Variants in PDE5A observed in about 807,000 individuals in gnomAD.
The protein encoded by PDE5A is phosphodiesterase 5A.
A neutral mutation model predicts 110.2 loss-of-function variants in PDE5A; 67 were observed. The ratio of observed to expected loss-of-function variants is 0.61; its 90% CI spans 0.50 to 0.75. The LOEUF (loss-of-function observed/expected upper bound fraction) is 0.75. PDE5A is among the 30% of genes least tolerant of loss of function. The probability of loss-of-function intolerance (pLI) is 0.00; values close to 1 mark genes in which losing one functional copy is unlikely to be tolerated. For synonymous variants in PDE5A, 328 were observed against 351.2 expected (o/e 0.93, Z 0.74); for missense variants, 862 against 1,045.1 (o/e 0.82, Z 2.42).
chr4:119,562,017 C>A (rs2110504584), intron 6 of PDE5A, among the ~76,000 whole-genome samples: 1 of 152,280 alleles, frequency 6.6e-6, no homozygotes, highest in South Asian at 2.1e-4. Flanking sequence ...GCTCTCTTTC[C>A]TATTAATCCA....
chr4:119,593,679 T>C (rs142255220), intron 3 of PDE5A, among the ~76,000 whole-genome samples: 3 of 152,338 alleles, frequency 2.0e-5, no homozygotes, highest in East Asian at 3.9e-4. Context: ...TGATCGAATA[T>C]ACATATCTCA....
chr4:119,550,634 AT>A (rs1223020905), intron 9 of PDE5A, among the ~76,000 whole-genome samples: 5 of 152,184 alleles, frequency 3.3e-5, no homozygotes, highest in Admixed American at 6.5e-5. Context: ...TTCCAAAGAA[AT>A]GTTGCTGGGG....
intron 1 of PDE5A, among the ~76,000 whole-genome samples, chr4:119,617,644 C>T (rs1382134959): frequency 1.3e-5 from 2 of 152,020 alleles, no homozygotes; most frequent in African/African-American, 2.4e-5. Flanking sequence ...TTGATATAAA[C>T]ATAATAACCC....
chr4:119,519,123 A>G lies in PDE5A; in HGVS notation c.1922T>C (p.Leu641Pro), dbSNP rs116396619. The G allele has an allele frequency of 7.3e-4, 1,178 of 1,613,568 alleles. 5 individuals carry two copies. In the African/African-American group the frequency reaches 0.013, roughly 17 times the overall value. ...AGKIQNKLTD[L>P]EILALLIAAL... ...AGCAATCAGCAATGCAAGTATCTCC[A>G]GGTCAGTCAGCTTGTTCTGCATGAC... Residue 641 changes from leucine to proline, a missense_variant, in exon 14 of 21, where the codon CTG becomes CCG. Physicochemically the swap from Leu to Pro is moderately conservative, Grantham distance 98. Coordinates refer to ENST00000354960, the MANE Select transcript of PDE5A (RefSeq NM_001083.4).
chr4:119,548,780 T>A (rs1163694522), intron 9 of PDE5A: 3 of 152,202 alleles, frequency 2.0e-5, no homozygotes, highest in Non-Finnish European at 4.4e-5. Flanking sequence ...TTTTTCTAGT[T>A]TTCTTCCACC....
intron 14 of PDE5A, among the ~76,000 whole-genome samples, chr4:119,515,104 CTAT>C (rs1190647725): frequency 1.2e-4 from 19 of 152,114 alleles, no homozygotes; most frequent in African/African-American, 4.3e-4. Flanking sequence ...GTTTTAGCTT[CTAT>C]TATTAGTATT....
intron 2 of PDE5A, among the ~76,000 whole-genome samples, chr4:119,599,886 T>A (rs1425098621): frequency 6.6e-6 from 1 of 151,954 alleles, no homozygotes; most frequent in Non-Finnish European, 1.5e-5. Flanking sequence ...AACATATAAG[T>A]TGAAAATGAT....
chr4:119,542,932 C>T (rs1307203564), intron 9 of PDE5A, among the ~76,000 whole-genome samples: 1 of 151,926 alleles, frequency 6.6e-6, no homozygotes, highest in Non-Finnish European at 1.5e-5. Context: ...ACAATTTGTC[C>T]TTTGGAAGCT....
At chr4:119,543,348 A>T (rs1727014916) in intron 9 of PDE5A, 2 of 152,086 alleles carry the variant, frequency 1.3e-5, no homozygotes, top group South Asian at 2.1e-4. Flanking sequence ...GAGTGACCTC[A>T]CAGAGGTCAC....
rs539859423 is a variant in PDE5A, at chr4:119,525,952, G to A, written c.1633-257C>T. ...AGTTGTCACCCTTAGACTGTACCTG[G>A]AACAGTGAGCAACACTAAGAACTCC... On this transcript the variant is annotated intron_variant, in intron 11 of 20. Transcript: ENST00000354960. The surrounding 1 kb of genome is among the most constrained non-coding windows in gnomAD (Gnocchi z 4.3). Among the ~76,000 whole-genome samples, 2 of 152,188 alleles carry A rather than the reference G, an allele frequency of 1.3e-5. No individual in the cohort carries two copies. The highest frequency in any genetic ancestry group is 3.9e-4 in the East Asian group (2 of 5,156).
chr4:119,609,710 A>G (rs1729676332), intron 1 of PDE5A, among the ~76,000 whole-genome samples: 1 of 152,206 alleles, frequency 6.6e-6, no homozygotes, highest in African/African-American at 2.4e-5. Context: ...GATCCATTGT[A>G]AATATGGTGA....
chr4:119,599,251 T>A (rs928998229), intron 2 of PDE5A, among the ~76,000 whole-genome samples: 2 of 152,144 alleles, frequency 1.3e-5, no homozygotes, highest in Non-Finnish European at 2.9e-5. Flanking sequence ...AATCCAAATG[T>A]AGTGAAACAG....
At chr4:119,523,545 T>C (rs1366535357) in intron 12 of PDE5A, among the ~76,000 whole-genome samples, 1 of 151,964 alleles carries the variant, frequency 6.6e-6, no homozygotes, top group African/African-American at 2.4e-5. Flanking sequence ...ATGTTCAAGT[T>C]TGATGTTGGC....
intron 1 of PDE5A, among the ~76,000 whole-genome samples, chr4:119,625,103 C>A (rs1034959693): frequency 4.0e-5 from 6 of 151,740 alleles, no homozygotes; most frequent in Non-Finnish European, 8.8e-5. Flanking sequence ...CTCTGCCTCC[C>A]GGGTTCAAGC....
intron 1 of PDE5A, among the ~76,000 whole-genome samples, chr4:119,612,287 G>C (rs35967840): frequency 0.11 from 16,274 of 152,086 alleles, 1,061 homozygotes; most frequent in Non-Finnish European, 0.15. Context: ...TGGATTATGG[G>C]GGCAGATCCC....
At chr4:119,523,247 C>A (rs970545399) in intron 12 of PDE5A, among the ~76,000 whole-genome samples, 1 of 151,934 alleles carries the variant, frequency 6.6e-6, no homozygotes, top group Non-Finnish European at 1.5e-5. Context: ...AAAATAAGCA[C>A]AGCACATGCA....
At chr4:119,534,574 G>A (rs1355861890) in intron 11 of PDE5A, among the ~76,000 whole-genome samples, 3 of 152,076 alleles carry the variant, frequency 2.0e-5, no homozygotes, top group African/African-American at 7.2e-5. Flanking sequence ...CAAAAAGGTT[G>A]GGTACCACTG....
rs150112538 is a variant in PDE5A, at chr4:119,612,276, T to C, written c.153-4979A>G. Among the ~76,000 whole-genome samples the C allele has an allele frequency of 4.3e-3, 653 of 152,220 alleles. 6 individuals carry two copies. The highest frequency in any genetic ancestry group is 0.014 in the African/African-American group (589 of 41,524). On this transcript the variant is annotated intron_variant, in intron 1 of 20. Coordinates refer to ENST00000354960, the MANE Select transcript of PDE5A (RefSeq NM_001083.4). ...GAAGGTGGGGCTTAGTGAGAGGTAA[T>C]TGGATTATGGGGGCAGATCCCTCAT...
At chr4:119,621,024 G>A (rs1335287557) in intron 1 of PDE5A, among the ~76,000 whole-genome samples, 1 of 152,190 alleles carries the variant, frequency 6.6e-6, no homozygotes, top group African/African-American at 2.4e-5. Flanking sequence ...AATGAATGCT[G>A]TAAATCTGCA....
Sources: allele counts gnomAD v4.1 joint callset (sites outside exome capture counted in the v4.1 genomes callset), GRCh38; gene constraint gnomAD v4.1.1; non-coding constraint Gnocchi (gnomAD v3.1); transcripts MANE v1.5; gene names NCBI Gene and HGNC (gene_info 2026-07-23, HGNC 2026-07-21).